EP400: variants seen among roughly 807,000 people sequenced by gnomAD.
EP400 encodes E1A binding protein p400, also known as E1A-binding protein p400.
EP400 carries 105 observed loss-of-function variants against 354.1 expected under a neutral mutation model. That is an observed-to-expected ratio of 0.30 (90% CI 0.25 to 0.35). The LOEUF is 0.35. EP400 is among the 10% of genes least tolerant of loss of function. EP400 has a pLI of 1.00. For missense variants in EP400, 3,280 were observed against 4,121.0 expected (o/e 0.80, Z 5.59); for synonymous variants, 1,646 against 1,716.9 (o/e 0.96, Z 1.02).
intron 1 of EP400, among the ~76,000 whole-genome samples, chr12:131,959,232 C>G (rs1310853526): frequency 6.6e-6 from 1 of 152,190 alleles, no homozygotes; most frequent in Non-Finnish European, 1.5e-5. Context: ...ATTGAAGCAG[C>G]AGCTGCCCCC....
At chr12:132,024,808 C>T (rs941078032) in intron 24 of EP400, among the ~76,000 whole-genome samples, 25 of 150,264 alleles carry the variant, frequency 1.7e-4, no homozygotes, top group Non-Finnish European at 3.0e-4. Context: ...CTCCCCGCCA[C>T]CCCCCCACAG....
chr12:131,979,733 A>G lies in EP400; in HGVS notation c.1375A>G (p.Ser459Gly). The change falls in exon 3 of 53, where the codon AGC becomes GGC. Residue 459 changes from serine to glycine, a missense_variant. Ser to Gly is a moderately conservative substitution (Grantham distance 56). Around this residue, in one of 20 missense-constraint regions of EP400, gnomAD observed 800 missense variants for 840.0 expected, o/e 0.95. Coordinates refer to ENST00000389561, the MANE Select transcript of EP400 (RefSeq NM_015409.5). ...AGGGAGCCTGGTAGCAGGGGCCGGAAGCACAGTAGAGACGGACCTGTTTAA... is the reference window on the plus strand; with the variant it reads ...AGGGAGCCTGGTAGCAGGGGCCGGAGGCACAGTAGAGACGGACCTGTTTAA... ...LAGSLVAGAGSTVETDLFKRQ... is the reference protein window; with the variant it reads ...LAGSLVAGAGGTVETDLFKRQ... The G allele has an allele frequency of 6.2e-7, 1 of 1,610,030 alleles. No individual in the cohort carries two copies. Among genetic ancestry groups the G allele is most frequent in the Non-Finnish European group, 8.5e-7 (1 of 1,178,072 alleles).
At chr12:132,041,089 G>A (rs925589386) in intron 32 of EP400, among the ~76,000 whole-genome samples, 12 of 152,318 alleles carry the variant, frequency 7.9e-5, no homozygotes, top group Middle Eastern at 3.4e-3. Flanking sequence ...TGGCTTGACC[G>A]GCCCCTGGGG....
chr12:132,007,953 CT>C (rs11304784), intron 15 of EP400, among the ~76,000 whole-genome samples: 145,692 of 149,338 alleles, frequency 0.98, 71,089 homozygotes, highest in East Asian at 1. Flanking sequence ...AGCGAGGGTT[CT>C]TTTTTTTTTT....
chr12:132,013,750 A>AAAACAGT lies in EP400; in HGVS notation c.3787-19_3787-13dup. ...GTGTTACAGCAGCATTTTTGGAAAG[A>AAAACAGT]AAACAGTAAACAGTTTTTATTTTCA... On this transcript the variant is annotated intron_variant, in intron 18 of 52. Coordinates refer to ENST00000389561, the MANE Select transcript of EP400 (RefSeq NM_015409.5). The surrounding 1 kb of genome is among the most constrained non-coding windows in gnomAD (Gnocchi z 4.5). The AAAACAGT allele has an allele frequency of 1.2e-6, 2 of 1,611,144 alleles. No homozygotes were observed. The highest frequency in any genetic ancestry group is 1.7e-6 in the Non-Finnish European group (2 of 1,178,696).
intron 39 of EP400, among the ~76,000 whole-genome samples, chr12:132,048,023 C>T (rs977759191): frequency 4.6e-5 from 7 of 152,240 alleles, no homozygotes; most frequent in Admixed American, 1.3e-4. Flanking sequence ...GGCTCACCGG[C>T]AGTCAGAGTT....
intron 33 of EP400, 40 bp downstream of exon 33, chr12:132,043,502 AT>A (rs1164948101): frequency 6.3e-7 from 1 of 1,596,984 alleles, no homozygotes; most frequent in Non-Finnish European, 8.5e-7. Flanking sequence ...TATTTTAAAA[AT>A]TTGACGCTTC....
rs143376217 is a variant in EP400, at chr12:132,062,130, C to T, written c.7905C>T (p.Pro2635=). ...GALTTPGGSA[P]AQVVHTQPPP... is the part of the protein sequence containing the mutation. ...TCTAGACGCCGGGAGGCTCTGCTCC[C>T]GCCCAGGTGGTGCACACCCAGCCCC... Residue 2635 remains proline, a synonymous_variant, in exon 46 of 53, where the codon CCC becomes CCT. Coordinates refer to ENST00000389561, the MANE Select transcript of EP400 (RefSeq NM_015409.5). 3.3e-3 allele frequency: 5,310 copies of T among 1,613,368 alleles called. 29 individuals carry two copies. The highest frequency in any genetic ancestry group is 9.5e-3 in the South Asian group (868 of 91,036).
In EP400 at chr12:131,979,198, C is replaced by T. The variant is rs544360877; in HGVS notation, c.1336-496C>T. ...CTACACTCCAGCCTGGGTGACAGAG[C>T]GAGACTCCGTCTCAAAAAAAAAAAA... is the stretch of plus-strand genomic sequence containing the variant. On this transcript the variant is annotated intron_variant, in intron 2 of 52. Coordinates refer to ENST00000389561, the MANE Select transcript of EP400 (RefSeq NM_015409.5). Among the ~76,000 whole-genome samples, 7 of 146,488 alleles carry T rather than the reference C, an allele frequency of 4.8e-5. No individual in the cohort carries two copies. In the East Asian group the frequency reaches 1.0e-3, roughly 21 times the overall value.
At chr12:132,033,194 C>T (rs773865808) in intron 30 of EP400, among the ~76,000 whole-genome samples, 19 of 152,250 alleles carry the variant, frequency 1.2e-4, no homozygotes, top group Non-Finnish European at 1.9e-4. Flanking sequence ...GGTGATCGCC[C>T]GCCTTGGCCT....
At position 132,062,239 on chromosome 12, in the gene EP400, T is replaced by G; in HGVS notation, c.8014T>G (p.Ser2672Ala). 1 of 1,614,176 alleles carries G rather than the reference T, an allele frequency of 6.2e-7. No homozygotes were observed. Among genetic ancestry groups the G allele is most frequent in the Non-Finnish European group, 8.5e-7 (1 of 1,180,030 alleles). Reference sequence around the variant, plus strand: ...GACTCAGGGTGTTCGAGCGGTCACTTCTGTGACAGCCTCGGCCGTGGTCAC... The same window carrying G: ...GACTCAGGGTGTTCGAGCGGTCACTGCTGTGACAGCCTCGGCCGTGGTCAC... Reference protein sequence around the residue: ...ATTQGVRAVTSVTASAVVTTN... With the variant: ...ATTQGVRAVTAVTASAVVTTN... The change falls in exon 46 of 53, where the codon TCT becomes GCT. Residue 2672 changes from serine (S) to alanine (A), a missense_variant. Physicochemically the swap from Ser to Ala is moderately conservative, Grantham distance 99. Around this residue, in one of 20 missense-constraint regions of EP400, gnomAD observed 255 missense variants for 295.9 expected, o/e 0.86. Coordinates refer to ENST00000389561, the MANE Select transcript of EP400 (RefSeq NM_015409.5).
At chr12:131,974,788 A>G (rs6598185) in intron 2 of EP400, among the ~76,000 whole-genome samples, 137,834 of 152,020 alleles carry the variant, frequency 0.91, 62,672 homozygotes, top group African/African-American at 0.98. Flanking sequence ...AGGAATTCAA[A>G]ACCAGCCTGG....
At chr12:132,055,624 G>A (rs1398083452) in intron 45 of EP400, among the ~76,000 whole-genome samples, 2 of 134,562 alleles carry the variant, frequency 1.5e-5, no homozygotes, top group Admixed American at 7.3e-5. Context: ...TGTAGGGGTT[G>A]TGTGTGTGAG....
At chr12:131,991,263 GTGA>G (rs891671650) in intron 9 of EP400, 141 bp from the exon 10 acceptor site, 3 of 750,380 alleles carry the variant, frequency 4.0e-6, no homozygotes, top group South Asian at 1.6e-5. Flanking sequence ...ACTGCCCTGC[GTGA>G]TGATGATGAG....
intron 2 of EP400, among the ~76,000 whole-genome samples, chr12:131,967,936 T>A (rs1218438589): frequency 6.6e-6 from 1 of 152,238 alleles, no homozygotes; most frequent in Admixed American, 6.5e-5. Flanking sequence ...AAAGTATCTG[T>A]TCATGTCTCA....
intron 2 of EP400, among the ~76,000 whole-genome samples, chr12:131,962,813 G>A (rs968990315): frequency 5.3e-5 from 8 of 152,210 alleles, no homozygotes; most frequent in Non-Finnish European, 1.0e-4. Context: ...TGTTGGTGGA[G>A]CTTATTTTGT....
At chr12:131,986,062 C>T (rs1892845119) in intron 5 of EP400, among the ~76,000 whole-genome samples, 1 of 152,176 alleles carries the variant, frequency 6.6e-6, no homozygotes. Context: ...GCAGTCTCAA[C>T]CTCCCAGGCT....
chr12:131,962,362 G>T (rs1891916634), intron 2 of EP400, among the ~76,000 whole-genome samples: 1 of 152,152 alleles, frequency 6.6e-6, no homozygotes, highest in Non-Finnish European at 1.5e-5. Context: ...AGCACCCTTT[G>T]TCTGGTTTTC....
In EP400 at chr12:131,990,066, G is replaced by T; in HGVS notation, c.2512G>T (p.Ala838Ser). Residue 838 changes from alanine (A) to serine (S), a missense_variant, in exon 8 of 53, where the codon GCC becomes TCC. Around this residue, in one of 20 missense-constraint regions of EP400, gnomAD observed 800 missense variants for 840.0 expected, o/e 0.95. Coordinates refer to ENST00000389561, the MANE Select transcript of EP400 (RefSeq NM_015409.5). This position sits in a 1 kb window ranked among gnomAD's most constrained non-coding sequence, Gnocchi z 4.2. The stretch of plus-strand genomic sequence containing the variant: ...ACTGAGGCGGATAGCCGCCTCCACG[G>T]CCCGGGAGATAGAGTGCTTTTGGTC... ...SRLRRIAAST[A>S]REIECFWSNI... 6.2e-7 allele frequency: 1 copy of T among 1,612,286 alleles called. No homozygotes were observed. Among genetic ancestry groups the T allele is most frequent in the East Asian group, 2.2e-5 (1 of 44,852 alleles).
Sources: gnomAD v4.1 joint callset for allele counts (sites outside exome capture counted in the v4.1 genomes callset) on GRCh38, gnomAD v4.1.1 for gene constraint, gnomAD v4.1.1 regional missense constraint, Gnocchi (gnomAD v3.1) non-coding constraint, MANE v1.5 for transcripts, NCBI Gene and HGNC (gene_info 2026-07-23, HGNC 2026-07-21) for gene names.